The following POLR2J3 variants were observed in gnomAD, a reference collection of about 807,000 sequenced individuals.
POLR2J3 encodes the protein RNA polymerase II subunit J3.
For missense variants in POLR2J3, 5 were observed against 204.2 expected, an observed-to-expected ratio of 0.02 and a Z score of 5.95; for synonymous variants, 2 against 81.3, an observed-to-expected ratio of 0.02 and a Z score of 5.25.
chr7:102,568,870 A>C (rs1801137684), intron 2 of POLR2J3, among the ~76,000 whole-genome samples: 1 of 152,036 alleles, frequency 6.6e-6, no homozygotes, highest in Non-Finnish European at 1.5e-5. Flanking sequence ...ACACCAGGAG[A>C]CTGGGCAGAC....
intron 2 of POLR2J3, among the ~76,000 whole-genome samples, chr7:102,568,880 C>T (rs1422967769): frequency 1.3e-5 from 2 of 152,018 alleles, no homozygotes; most frequent in African/African-American, 4.8e-5. Flanking sequence ...ACTGGGCAGA[C>T]CCCACTCACA....
rs149627783 is a variant in POLR2J3 at position 102,572,496 on chromosome 7, G to T, written c.26C>A (p.Ser9Ter). The change falls in exon 1 of 7, where the codon TCG (serine) becomes TAG (stop). Residue 9 changes from serine (S) to a stop codon, truncating the protein, a stop_gained. Coordinates refer to ENST00000513506, the Ensembl canonical transcript of POLR2J3. LOFTEE classifies it high-confidence loss of function. ...CTTCTCGCCCTCGAAGAGCAAGAACGACTCGAAGGCTGGAGGGGCGTTCAT... is the reference window on the plus strand; with the variant it reads ...CTTCTCGCCCTCGAAGAGCAAGAACTACTCGAAGGCTGGAGGGGCGTTCAT... 1 of 1,607,684 alleles carries T rather than the reference G, an allele frequency of 6.2e-7. No homozygotes were observed. The highest frequency in any genetic ancestry group is 1.1e-5 in the South Asian group (1 of 90,920).
At chr7:102,568,737 G>T (rs868821943) in intron 2 of POLR2J3, among the ~76,000 whole-genome samples, 2,062 of 141,884 alleles carry the variant, frequency 0.015, 10 homozygotes, top group Middle Eastern at 0.064. Context: ...AGCACCACAA[G>T]GGGGACCCGT....
intron 2 of POLR2J3, among the ~76,000 whole-genome samples, chr7:102,568,582 G>C (rs1448117488): frequency 1.3e-5 from 2 of 152,190 alleles, no homozygotes; most frequent in South Asian, 2.1e-4. Context: ...CCGGCAGTGA[G>C]TGGAATGCAA....
At chr7:102,567,508 TAG>T (rs1336586933) in intron 2 of POLR2J3, 1 of 134,092 alleles carries the variant, frequency 7.5e-6, no homozygotes, top group Non-Finnish European at 1.6e-5. Flanking sequence ...GTATTTTTAG[TAG>T]AAACAGGGCT....
At chr7:102,572,418 A>G (rs1164152105) in intron 1 of POLR2J3, 54 bp downstream of exon 1, 1 of 1,611,706 alleles carries the variant, frequency 6.2e-7, no homozygotes, top group African/African-American at 1.3e-5. Context: ...ACACCCCAGA[A>G]TGCGACAGCC....
At chr7:102,570,774 T>C (rs1463455899) in intron 1 of POLR2J3, among the ~76,000 whole-genome samples, 3 of 149,278 alleles carry the variant, frequency 2.0e-5, no homozygotes, top group Non-Finnish European at 4.5e-5. Context: ...TCCCCCTGGC[T>C]GGAGTGTGCA....
intron 2 of POLR2J3, among the ~76,000 whole-genome samples, chr7:102,568,959 TCCCTGGGC>T (rs1801141955): frequency 6.8e-6 from 1 of 145,990 alleles, no homozygotes; most frequent in Non-Finnish European, 1.5e-5. Context: ...AAATGGCAAG[TCCCTGGGC>T]CAGAATGGCA....
Sources: gnomAD v4.1 joint callset for allele counts (sites outside exome capture counted in the v4.1 genomes callset) on GRCh38, gnomAD v4.1.1 for gene constraint, MANE v1.5 for transcripts, NCBI Gene and HGNC (gene_info 2026-07-23, HGNC 2026-07-21) for gene names.